The following EYS variants were observed in gnomAD, a reference collection of about 807,000 sequenced individuals.
The protein encoded by EYS is EGF-like photoreceptor maintenance factor.
EYS carries 250 observed loss-of-function variants against 282.1 expected under a neutral mutation model. That is an observed-to-expected ratio of 0.89 (90% CI 0.80 to 0.98). The LOEUF (loss-of-function observed/expected upper bound fraction) is 0.98, where lower values mean the gene tolerates loss of function less well. EYS is among the 50% of genes least tolerant of loss of function. The pLI is 0.00. For synonymous variants in EYS, 1,355 were observed against 1,282.9 expected (o/e 1.06, Z -1.20); for missense variants, 4,016 against 3,709.0 (o/e 1.08, Z -2.15).
intron 2 of EYS, among the ~76,000 whole-genome samples, chr6:65,590,234 T>C (rs1280841809): frequency 1.3e-5 from 2 of 152,036 alleles, no homozygotes; most frequent in Non-Finnish European, 2.9e-5. Flanking sequence ...ACTACCACAG[T>C]ACCCAATGAA....
At chr6:64,583,515 G>A (rs1006697305) in intron 26 of EYS, among the ~76,000 whole-genome samples, 1 of 152,088 alleles carries the variant, frequency 6.6e-6, no homozygotes, top group Non-Finnish European at 1.5e-5. Flanking sequence ...ATGTGATTAG[G>A]CCAGGCACAG....
At chr6:64,245,714 T>G (rs2150345668) in intron 30 of EYS, among the ~76,000 whole-genome samples, 1 of 152,256 alleles carries the variant, frequency 6.6e-6, no homozygotes, top group East Asian at 1.9e-4. Context: ...CTTTGGAACT[T>G]TATCTGTGAG....
intron 5 of EYS, among the ~76,000 whole-genome samples, chr6:65,413,248 A>C (rs944897594): frequency 6.6e-6 from 1 of 152,170 alleles, no homozygotes; most frequent in African/African-American, 2.4e-5. Flanking sequence ...ACTTTAATTA[A>C]TTTAGAATAA....
intron 12 of EYS, among the ~76,000 whole-genome samples, chr6:65,170,458 T>C (rs1214395780): frequency 6.6e-6 from 1 of 151,518 alleles, no homozygotes; most frequent in Non-Finnish European, 1.5e-5. Flanking sequence ...GGCCAAATGA[T>C]CTAGCTCTGT....
chr6:64,427,343 A>G (rs1336635269), intron 28 of EYS, among the ~76,000 whole-genome samples: 1 of 152,142 alleles, frequency 6.6e-6, no homozygotes, highest in Admixed American at 6.5e-5. Flanking sequence ...GTAACCAACA[A>G]CTATAGAGAA....
chr6:64,088,284 AG>A (rs1232427821), intron 31 of EYS, among the ~76,000 whole-genome samples: 1 of 152,068 alleles, frequency 6.6e-6, no homozygotes, highest in Non-Finnish European at 1.5e-5. Context: ...AAATGAAAAA[AG>A]CAACAAGGTC....
In EYS at chr6:64,082,601, T is replaced by G. The variant is rs567890966; in HGVS notation, c.6425-599A>C. Reference sequence around the variant, plus strand: ...AAAAAAATTCTGTGACACACAAAGGTTAGAGAACTGTCACACAGAGGAATT... The same window carrying G: ...AAAAAAATTCTGTGACACACAAAGGGTAGAGAACTGTCACACAGAGGAATT... On this transcript the variant is annotated intron_variant, in intron 31 of 42. Transcript: ENST00000503581. 3.3e-5 allele frequency among the ~76,000 whole-genome samples: 5 copies of G among 152,220 alleles called. No homozygotes were observed. The South Asian group carries it at 8.3e-4, about 25-fold the overall frequency.
intron 12 of EYS, among the ~76,000 whole-genome samples, chr6:65,068,095 T>C (rs1422126703): frequency 6.6e-6 from 1 of 152,144 alleles, no homozygotes; most frequent in Non-Finnish European, 1.5e-5. Context: ...CATTTCTCCT[T>C]CTCTTAGAAA....
At chr6:65,364,512 T>C (rs1286890465) in intron 8 of EYS, among the ~76,000 whole-genome samples, 2 of 142,758 alleles carry the variant, frequency 1.4e-5, no homozygotes, top group African/African-American at 5.2e-5. Context: ...ATGGTCCTCA[T>C]AAAAGAGATC....
chr6:64,118,807 G>A (rs1246011116), intron 31 of EYS, among the ~76,000 whole-genome samples: 2 of 151,956 alleles, frequency 1.3e-5, no homozygotes, highest in Admixed American at 1.3e-4. Context: ...TAATTATCCA[G>A]AATCTACAAG....
chr6:64,102,663 G>A (rs966448868), intron 31 of EYS, among the ~76,000 whole-genome samples: 1 of 151,946 alleles, frequency 6.6e-6, no homozygotes, highest in African/African-American at 2.4e-5. Flanking sequence ...TAGATTATAA[G>A]CAAAGAAAAA....
intron 15 of EYS, among the ~76,000 whole-genome samples, chr6:64,916,560 G>A (rs1768171423): frequency 6.6e-6 from 1 of 152,174 alleles, no homozygotes; most frequent in Admixed American, 6.5e-5. Context: ...TTTGATGGGT[G>A]GGAAAAGGAA....
At chr6:64,516,541 A>G (rs757504452) in intron 26 of EYS, among the ~76,000 whole-genome samples, 4 of 151,828 alleles carry the variant, frequency 2.6e-5, no homozygotes, top group Admixed American at 1.3e-4. Flanking sequence ...GTAATGGGTA[A>G]ACAAATAATG....
chr6:65,482,441 T>C (rs993768863), intron 5 of EYS, among the ~76,000 whole-genome samples: 2 of 152,216 alleles, frequency 1.3e-5, no homozygotes, highest in Non-Finnish European at 2.9e-5. Context: ...TAGGGTTAAA[T>C]TGACAGAGAT....
At chr6:63,750,172 G>T (rs1243702580) in intron 41 of EYS, among the ~76,000 whole-genome samples, 2 of 151,958 alleles carry the variant, frequency 1.3e-5, no homozygotes, top group African/African-American at 4.8e-5. Context: ...TTCTTTAGTT[G>T]CCTATGTTAT....
intron 12 of EYS, among the ~76,000 whole-genome samples, chr6:65,071,126 C>G (rs73765749): frequency 2.0e-4 from 30 of 151,262 alleles, no homozygotes; most frequent in African/African-American, 7.3e-4. Context: ...TAAAGCCAAA[C>G]AAAAGGAATG....
chr6:64,527,138 C>A (rs1300051182), intron 26 of EYS, among the ~76,000 whole-genome samples: 2 of 151,732 alleles, frequency 1.3e-5, no homozygotes, highest in African/African-American at 4.8e-5. Context: ...ATAACTACAA[C>A]AAGTTCAAAG....
At chr6:64,109,018 G>A (rs1202657684) in intron 31 of EYS, among the ~76,000 whole-genome samples, 1 of 152,114 alleles carries the variant, frequency 6.6e-6, no homozygotes, top group Non-Finnish European at 1.5e-5. Flanking sequence ...ACACTCTCAA[G>A]AACATGTTGC....
chr6:65,314,213 C>T (rs1323016821), intron 11 of EYS, among the ~76,000 whole-genome samples: 1 of 151,454 alleles, frequency 6.6e-6, no homozygotes, highest in African/African-American at 2.4e-5. Flanking sequence ...TCAATGATCA[C>T]CCCATTTAAA....
Sources: gnomAD v4.1 joint callset for allele counts (sites outside exome capture counted in the v4.1 genomes callset) on GRCh38, gnomAD v4.1.1 for gene constraint, MANE v1.5 for transcripts, NCBI Gene and HGNC (gene_info 2026-07-23, HGNC 2026-07-21) for gene names.